The following STAG1 variants were observed in gnomAD, a reference collection of about 807,000 sequenced individuals.
STAG1 encodes the protein STAG1 cohesin complex component.
Under a neutral mutation model 170.9 loss-of-function variants are expected in STAG1, and 26 were observed. The ratio of observed to expected loss-of-function variants is 0.15; its 90% CI spans 0.11 to 0.21. The LOEUF is 0.21. Among genes scored for constraint, STAG1 ranks in the 10% least tolerant of loss-of-function variants. STAG1 has a pLI of 1.00. For synonymous variants in STAG1, 514 were observed against 497.7 expected (o/e 1.03, Z -0.44); for missense variants, 964 against 1,509.5 (o/e 0.64, Z 5.99).
chr3:136,683,396 T>G (rs1433340229), intron 1 of STAG1, among the ~76,000 whole-genome samples: 3 of 152,044 alleles, frequency 2.0e-5, no homozygotes, highest in Non-Finnish European at 4.4e-5. Context: ...CCCAAGTAGC[T>G]AGGACCACAG....
At chr3:136,461,001 T>A (rs1385437153) in intron 13 of STAG1, among the ~76,000 whole-genome samples, 3 of 152,188 alleles carry the variant, frequency 2.0e-5, no homozygotes, top group African/African-American at 7.2e-5. Flanking sequence ...CAAGCAGGAT[T>A]TATATCAGGG....
chr3:136,740,896 G>A (rs1226377043), intron 1 of STAG1, among the ~76,000 whole-genome samples: 1 of 152,170 alleles, frequency 6.6e-6, no homozygotes, highest in African/African-American at 2.4e-5. Flanking sequence ...ACAATGAAGA[G>A]ATAAAGCTGG....
chr3:136,606,506 G>A (rs1426493256), intron 3 of STAG1, among the ~76,000 whole-genome samples: 1 of 152,076 alleles, frequency 6.6e-6, no homozygotes, highest in Non-Finnish European at 1.5e-5. Context: ...CTTACTTCTT[G>A]CCTAATGACC....
intron 30 of STAG1, 145 bp downstream of exon 30, chr3:136,343,687 C>G (rs955766819): frequency 2.0e-6 from 1 of 507,312 alleles, no homozygotes; most frequent in Non-Finnish European, 3.2e-6. Flanking sequence ...TTTTATAGCT[C>G]TTCTCACATG....
At chr3:136,610,193 C>G (rs1939199198) in intron 3 of STAG1, among the ~76,000 whole-genome samples, 1 of 152,066 alleles carries the variant, frequency 6.6e-6, no homozygotes, top group Non-Finnish European at 1.5e-5. Context: ...CCCGCCACCA[C>G]TCCCAGCTAA....
At chr3:136,382,400 TC>T (rs747664114) in intron 22 of STAG1, among the ~76,000 whole-genome samples, 1 of 149,822 alleles carries the variant, frequency 6.7e-6, no homozygotes, top group Non-Finnish European at 1.5e-5. Context: ...ACCAAGGCTT[TC>T]TTTTTTTTTT....
rs67810422 is a variant in STAG1, at chr3:136,633,962, T to TAAAAAAAAAAAAAAAAAAAA, written c.-83-3001_-83-2982dup. ...AACATGGTGAAACCCTGTCTCTACT[T>TAAAAAAAAAAAAAAAAAAAA]AAAAAAAAAAAAAAAAAAAAAAAAA... On this transcript the variant is annotated intron_variant, in intron 1 of 33. Coordinates refer to ENST00000383202, the MANE Select transcript of STAG1 (RefSeq NM_005862.3). Among the ~76,000 whole-genome samples the TAAAAAAAAAAAAAAAAAAAA allele has an allele frequency of 3.4e-4, 17 of 50,356 alleles. 4 individuals are homozygous for TAAAAAAAAAAAAAAAAAAAA. The South Asian group carries it at 3.9e-3, about 11-fold the overall frequency. 33.0% of individuals were successfully genotyped at this position (50,356 alleles called of 152,430 possible). A position where few individuals can be genotyped will look rare whatever the true frequency, so the allele number is the denominator to read the frequency against.
chr3:136,384,123 T>C (rs1469650261), intron 22 of STAG1, among the ~76,000 whole-genome samples: 3 of 152,048 alleles, frequency 2.0e-5, no homozygotes, highest in South Asian at 2.1e-4. Context: ...AAAATTAATA[T>C]GTGGCAACTT....
At chr3:136,600,747 G>A (rs1207110574) in intron 4 of STAG1, among the ~76,000 whole-genome samples, 2 of 151,984 alleles carry the variant, frequency 1.3e-5, no homozygotes, top group Non-Finnish European at 2.9e-5. Flanking sequence ...ATTGGCCAGG[G>A]TGGTCTCAAA....
intron 23 of STAG1, among the ~76,000 whole-genome samples, chr3:136,376,045 A>T (rs1398938909): frequency 2.7e-5 from 4 of 149,556 alleles, no homozygotes; most frequent in African/African-American, 9.7e-5. Context: ...ATAAAATAAA[A>T]TAAAACAAAA....
intron 1 of STAG1, chr3:136,736,376 T>C: frequency 4.0e-6 from 3 of 753,206 alleles, no homozygotes; most frequent in Non-Finnish European, 4.5e-6. Flanking sequence ...ATTGAAAAAA[T>C]GGACTGAAAA....
chr3:136,569,011 T>C, intron 4 of STAG1, 150 bp from the exon 5 acceptor site: 1 of 600,468 alleles, frequency 1.7e-6, no homozygotes, highest in South Asian at 2.2e-5. Context: ...CTAATAAAAG[T>C]AGAGACTCCC....
At chr3:136,373,303 C>T (rs958996238) in intron 23 of STAG1, among the ~76,000 whole-genome samples, 1 of 152,100 alleles carries the variant, frequency 6.6e-6, no homozygotes, top group Admixed American at 6.6e-5. Flanking sequence ...AAACCAGCTC[C>T]TGGATTCATT....
intron 1 of STAG1, among the ~76,000 whole-genome samples, chr3:136,708,345 C>T (rs1259723278): frequency 6.6e-6 from 1 of 151,744 alleles, no homozygotes; most frequent in Non-Finnish European, 1.5e-5. Flanking sequence ...ACATTGAAAA[C>T]ATGACACTAA....
intron 4 of STAG1, among the ~76,000 whole-genome samples, chr3:136,591,233 AAGGGAGGGAGGG>A (rs895927331): frequency 3.9e-5 from 5 of 129,208 alleles, no homozygotes; most frequent in African/African-American, 8.1e-5. Context: ...AAAAAAAAAG[AAGGGAGGGAGGG>A]AGGGAGGAAG....
chr3:136,458,373 T>C (rs1576485542), intron 13 of STAG1, among the ~76,000 whole-genome samples: 1 of 152,210 alleles, frequency 6.6e-6, no homozygotes, highest in Admixed American at 6.5e-5. Context: ...GCCAGGCTGG[T>C]CTTGAACTCC....
At chr3:136,440,445 A>G (rs1052520191) in intron 15 of STAG1, among the ~76,000 whole-genome samples, 4 of 151,778 alleles carry the variant, frequency 2.6e-5, no homozygotes, top group African/African-American at 9.7e-5. Flanking sequence ...CCCTTAATTT[A>G]TATTCTTTGC....
chr3:136,375,739 G>C (rs1000184150), intron 23 of STAG1, among the ~76,000 whole-genome samples: 1 of 151,938 alleles, frequency 6.6e-6, no homozygotes, highest in Non-Finnish European at 1.5e-5. Context: ...GGGAGGCTGA[G>C]GCAGGCAGAT....
chr3:136,514,751 C>A (rs550977555), intron 7 of STAG1, among the ~76,000 whole-genome samples: 1 of 152,136 alleles, frequency 6.6e-6, no homozygotes, highest in South Asian at 2.1e-4. Flanking sequence ...GATGAGTTCA[C>A]GTCCTTTGCA....
Sources: gnomAD v4.1 joint callset for allele counts (sites outside exome capture counted in the v4.1 genomes callset) on GRCh38, gnomAD v4.1.1 for gene constraint, MANE v1.5 for transcripts, NCBI Gene and HGNC (gene_info 2026-07-23, HGNC 2026-07-21) for gene names.